THSD7B: variants seen among roughly 807,000 people sequenced by gnomAD.
THSD7B encodes the protein thrombospondin type 1 domain containing 7B.
In THSD7B, 138 loss-of-function variants were observed where a neutral mutation model predicts 213.6. The observed-to-expected ratio is 0.65, with a 90% CI of 0.56 to 0.74. The LOEUF (loss-of-function observed/expected upper bound fraction) is 0.74. Ranked by LOEUF, THSD7B falls within the 30% of genes least tolerant of loss-of-function variation. The pLI is 0.00. For synonymous variants in THSD7B, 742 were observed against 687.0 expected, an observed-to-expected ratio of 1.08 and a Z score of -1.25; for missense variants, 1,931 against 1,991.5, an observed-to-expected ratio of 0.97 and a Z score of 0.58.
rs557942848 is a variant in THSD7B at position 137,228,601 on chromosome 2, G to A, written c.1724-2443G>A. On this transcript the variant is annotated intron_variant, in intron 7 of 27. Coordinates refer to ENST00000409968, the MANE Select transcript of THSD7B (RefSeq NM_001316349.2). The stretch of plus-strand genomic sequence containing the variant: ...GTATTAACTATCTTCCAGATACCTC[G>A]TATTTTCCTACCTAACCTTTGCTGA... Among the ~76,000 whole-genome samples, 60 of 152,150 alleles carry A rather than the reference G, an allele frequency of 3.9e-4. 1 individual carries two copies. The highest frequency in any genetic ancestry group is 6.2e-4 in the Non-Finnish European group (42 of 67,982).
At chr2:137,057,900 T>TA (rs1166737623) in intron 3 of THSD7B, among the ~76,000 whole-genome samples, 1 of 152,220 alleles carries the variant, frequency 6.6e-6, no homozygotes, top group African/African-American at 2.4e-5. Context: ...AATTGTAGTC[T>TA]AAAACATCAT....
chr2:136,820,736 A>G (rs1288777780), intron 1 of THSD7B, among the ~76,000 whole-genome samples: 1 of 152,236 alleles, frequency 6.6e-6, no homozygotes, highest in African/African-American at 2.4e-5. Flanking sequence ...TGAATTTAAT[A>G]ATCATACTAT....
chr2:137,303,743 T>G (rs1374832117), intron 12 of THSD7B, among the ~76,000 whole-genome samples: 1 of 142,736 alleles, frequency 7.0e-6, no homozygotes, highest in African/African-American at 2.6e-5. Context: ...TATATATTTA[T>G]ATATATATAC....
chr2:137,279,805 C>T lies in THSD7B; in HGVS notation c.2500+3779C>T, dbSNP rs1682960951. Among the ~76,000 whole-genome samples the T allele has an allele frequency of 2.6e-5, 4 of 152,266 alleles. No homozygotes were observed. The South Asian group carries it at 8.3e-4, about 32-fold the overall frequency. On this transcript the variant is annotated intron_variant, in intron 12 of 27. Coordinates refer to ENST00000409968, the MANE Select transcript of THSD7B (RefSeq NM_001316349.2). ...CTTCCCAAAAATACATGTCCACATG[C>T]TAAGCATCATAACCTGCACATATGA...
chr2:137,357,754 G>A (rs1275689927), intron 12 of THSD7B, among the ~76,000 whole-genome samples: 1 of 152,182 alleles, frequency 6.6e-6, no homozygotes, highest in Non-Finnish European at 1.5e-5. Flanking sequence ...CAAATGTTGA[G>A]ACATTGATTA....
chr2:137,419,464 C>T (rs2105024110), intron 14 of THSD7B, among the ~76,000 whole-genome samples: 2 of 147,602 alleles, frequency 1.4e-5, no homozygotes, highest in African/African-American at 2.4e-5. Context: ...TGAAATAGCT[C>T]TCTGCAGAGA....
At position 137,641,364 on chromosome 2, in the gene THSD7B, G is replaced by A. The variant is rs370451992; in HGVS notation, c.3800-1124G>A. Among the ~76,000 whole-genome samples, 12 of 152,288 alleles carry A rather than the reference G, an allele frequency of 7.9e-5. No homozygotes were observed. The South Asian group carries it at 8.3e-4, about 11-fold the overall frequency. On this transcript the variant is annotated intron_variant, in intron 20 of 27. Coordinates refer to ENST00000409968, the MANE Select transcript of THSD7B (RefSeq NM_001316349.2). The stretch of plus-strand genomic sequence containing the variant: ...ACATCTTTTCAGATTTCTGCTTAAA[G>A]TTCCACTGCTCATGGCAGTGATCTC...
At chr2:136,839,215 G>T (rs555355391) in intron 1 of THSD7B, among the ~76,000 whole-genome samples, 1 of 152,270 alleles carries the variant, frequency 6.6e-6, no homozygotes, top group South Asian at 2.1e-4. Flanking sequence ...ACACTTGAGG[G>T]TATGCACCAC....
At chr2:137,566,622 G>C (rs1681244349) in intron 16 of THSD7B, among the ~76,000 whole-genome samples, 1 of 152,068 alleles carries the variant, frequency 6.6e-6, no homozygotes, top group African/African-American at 2.4e-5. Flanking sequence ...CTGGTACTTA[G>C]TTCATCTGGG....
intron 1 of THSD7B, among the ~76,000 whole-genome samples, chr2:136,767,946 TAG>T (rs143769511): frequency 0.027 from 4,149 of 152,300 alleles, 205 homozygotes; most frequent in African/African-American, 0.095. Context: ...TGTTGATTGT[TAG>T]AGAGTTGAAA....
chr2:137,076,251 G>T (rs1687619674), intron 3 of THSD7B, among the ~76,000 whole-genome samples: 1 of 152,234 alleles, frequency 6.6e-6, no homozygotes, highest in Non-Finnish European at 1.5e-5. Context: ...CGAGCTTCCT[G>T]GCCGCTTTGT....
chr2:136,814,599 C>T (rs1209171192), intron 1 of THSD7B, among the ~76,000 whole-genome samples: 2 of 152,164 alleles, frequency 1.3e-5, no homozygotes, highest in African/African-American at 4.8e-5. Context: ...GGGGTTTCAC[C>T]GTGTTAGCGA....
chr2:137,165,401 G>A (rs528126237), intron 6 of THSD7B, among the ~76,000 whole-genome samples: 2 of 152,304 alleles, frequency 1.3e-5, no homozygotes, highest in South Asian at 4.1e-4. Context: ...CTAGGGAAAT[G>A]ATTCTGTTCC....
intron 27 of THSD7B, 91 bp from the exon 28 acceptor site, chr2:137,676,433 G>A (rs752562821): frequency 1.7e-4 from 203 of 1,175,808 alleles, no homozygotes; most frequent in Non-Finnish European, 1.6e-4. Context: ...TCATTTTACC[G>A]CTTAAATTTC....
rs73961303 is a variant in THSD7B, at chr2:136,894,091, C to T, written c.139+11774C>T. On this transcript the variant is annotated intron_variant, in intron 2 of 27. Coordinates refer to ENST00000409968, the MANE Select transcript of THSD7B (RefSeq NM_001316349.2). ...CTATTGTGGAAATAAGTAGTTCTGT[C>T]ATCCAGTGGTGGATTTCATTCATGA... Among the ~76,000 whole-genome samples, 1,505 of 152,242 alleles carry T rather than the reference C, an allele frequency of 9.9e-3. 27 individuals carry two copies. Among genetic ancestry groups the T allele is most frequent in the African/African-American group, 0.034 (1,418 of 41,530 alleles).
rs186627052 is a variant in THSD7B, at chr2:137,033,869, C to T, written c.140-22551C>T. Reference sequence around the variant, plus strand: ...GGCTCCTTACATAGGTATACATGTGCCATGCTGGCCTGCTGCACCCATCAA... The same window carrying T: ...GGCTCCTTACATAGGTATACATGTGTCATGCTGGCCTGCTGCACCCATCAA... On this transcript the variant is annotated intron_variant, in intron 2 of 27. Transcript: ENST00000409968. 7.0e-4 allele frequency among the ~76,000 whole-genome samples: 107 copies of T among 152,136 alleles called. 3 individuals are homozygous for T. The East Asian group carries it at 0.019, about 27-fold the overall frequency.
chr2:137,257,458 C>T (rs906024435), intron 10 of THSD7B, among the ~76,000 whole-genome samples: 1 of 152,266 alleles, frequency 6.6e-6, no homozygotes, highest in South Asian at 2.1e-4. Flanking sequence ...TAAAATGGTT[C>T]CAAAGATCCA....
At chr2:137,466,881 T>G (rs376305088) in intron 15 of THSD7B, among the ~76,000 whole-genome samples, 22 of 152,246 alleles carry the variant, frequency 1.4e-4, no homozygotes, top group African/African-American at 5.3e-4. Context: ...GTCTGTTTTG[T>G]CATCTTCAGT....
At chr2:137,139,157 T>C (rs143825060) in intron 5 of THSD7B, among the ~76,000 whole-genome samples, 3 of 152,318 alleles carry the variant, frequency 2.0e-5, no homozygotes, top group Admixed American at 1.3e-4. Context: ...GTAAATTCTA[T>C]AATTATTTGA....
Sources: gnomAD v4.1 joint callset for allele counts (sites outside exome capture counted in the v4.1 genomes callset) on GRCh38, gnomAD v4.1.1 for gene constraint, MANE v1.5 for transcripts, NCBI Gene and HGNC (gene_info 2026-07-23, HGNC 2026-07-21) for gene names.